The following DCT variants were observed in gnomAD, a reference collection of about 807,000 sequenced individuals.
DCT encodes the protein dopachrome tautomerase.
In DCT, 47 loss-of-function variants were observed where a neutral mutation model predicts 53.0. The ratio of observed to expected loss-of-function variants is 0.89; its 90% CI spans 0.70 to 1.13. DCT has a LOEUF of 1.13. Ranked by LOEUF, DCT falls within the 50% of genes most tolerant of loss-of-function variation. The pLI is 0.00. For synonymous variants in DCT, 244 were observed against 237.0 expected (o/e 1.03, Z -0.27); for missense variants, 669 against 637.4 (o/e 1.05, Z -0.53).
chr13:94,537,913 C>A, the DCT span, among the ~76,000 whole-genome samples: 1 of 152,142 alleles, frequency 6.6e-6, no homozygotes, highest in African/African-American at 2.4e-5. Flanking sequence ...GGTGACCCAC[C>A]ATTGGCAGGA....
At chr13:94,466,374 C>CCA (rs1217643518) in intron 3 of DCT, among the ~76,000 whole-genome samples, 184 bp downstream of exon 3, 1 of 151,610 alleles carries the variant, frequency 6.6e-6, no homozygotes, top group Non-Finnish European at 1.5e-5. Flanking sequence ...GGTACTCTTA[C>CCA]CACACACACA....
At position 94,444,812 on chromosome 13, in the gene DCT, A is replaced by G. The variant is rs1028105024; in HGVS notation, c.1180-1175T>C. On this transcript the variant is annotated intron_variant, in intron 6 of 7. Coordinates refer to ENST00000377028, the MANE Select transcript of DCT (RefSeq NM_001922.5). ...CCACTGTACCTTGTACCTCATTTATAGCACTGATCAAATGATACTATAACT... is the reference window on the plus strand; with the variant it reads ...CCACTGTACCTTGTACCTCATTTATGGCACTGATCAAATGATACTATAACT... Among the ~76,000 whole-genome samples the G allele has an allele frequency of 1.6e-4, 24 of 152,352 alleles. No individual in the cohort carries two copies. In the East Asian group the frequency reaches 4.0e-3, roughly 26 times the overall value.
the DCT span, among the ~76,000 whole-genome samples, chr13:94,500,086 G>A: frequency 2.6e-5 from 4 of 151,846 alleles, no homozygotes; most frequent in African/African-American, 4.8e-5. Context: ...TATAGTCACC[G>A]GGCTATACAC....
At chr13:94,443,137 A>T (rs9524491) in intron 7 of DCT, among the ~76,000 whole-genome samples, 121,974 of 152,174 alleles carry the variant, frequency 0.8, 50,341 homozygotes, top group African/African-American at 0.93. Context: ...TTAATCCAAT[A>T]AACTCAGAGA....
At chr13:94,536,754 C>T in the DCT span, among the ~76,000 whole-genome samples, 1 of 152,084 alleles carries the variant, frequency 6.6e-6, no homozygotes, top group Non-Finnish European at 1.5e-5. Flanking sequence ...ACCAGCCTGG[C>T]CAACATGGTG....
chr13:94,443,754 A>G (rs1882522871), intron 6 of DCT, 117 bp from the exon 7 acceptor site: 3 of 799,724 alleles, frequency 3.8e-6, no homozygotes, highest in Admixed American at 4.4e-5. Flanking sequence ...ACTTCTGTAT[A>G]CCCATGTGTG....
rs750729034 is a variant in DCT, at chr13:94,443,546, A to G, written c.1271T>C (p.Ile424Thr). The G allele has an allele frequency of 5.0e-6, 8 of 1,613,884 alleles. No homozygotes were observed. The Admixed American group carries it at 6.7e-5, about 13-fold the overall frequency. ...ADAWPQELAP[I>T]GHNRMYNMVP... ...CATGTTGTACATCCGATTGTGACCAATAGGGGCCAGCTCCTGAGGCCAGGC... is the reference window on the plus strand; with the variant it reads ...CATGTTGTACATCCGATTGTGACCAGTAGGGGCCAGCTCCTGAGGCCAGGC... Residue 424 changes from isoleucine (I) to threonine (T), a missense_variant, in exon 7 of 8, where the codon ATT becomes ACT. Ile to Thr is a moderately conservative substitution (Grantham distance 89). Coordinates refer to ENST00000377028, the MANE Select transcript of DCT (RefSeq NM_001922.5).
chr13:94,501,018 G>T, the DCT span, among the ~76,000 whole-genome samples: 1 of 151,958 alleles, frequency 6.6e-6, no homozygotes, highest in Non-Finnish European at 1.5e-5. Flanking sequence ...AAAGAATTTG[G>T]CACTTTGGGA....
the DCT span, among the ~76,000 whole-genome samples, chr13:94,537,190 G>A: frequency 6.6e-6 from 1 of 152,292 alleles, no homozygotes; most frequent in South Asian, 2.1e-4. Context: ...GTATCTATTT[G>A]TGCCAGACTG....
intron 2 of DCT, chr13:94,467,654 T>A (rs1399955833): frequency 6.6e-6 from 1 of 152,212 alleles, no homozygotes; most frequent in African/African-American, 2.4e-5. Context: ...GTCCCTGATG[T>A]TGGCTACACG....
upstream of DCT, among the ~76,000 whole-genome samples, chr13:94,481,805 A>T (rs1434407151): frequency 1.3e-5 from 2 of 152,114 alleles, no homozygotes; most frequent in African/African-American, 4.8e-5. Flanking sequence ...CTCCTCCCAA[A>T]TGTGTTCTCC....
chr13:94,541,241 C>A, the DCT span, among the ~76,000 whole-genome samples: 1 of 152,096 alleles, frequency 6.6e-6, no homozygotes, highest in African/African-American at 2.4e-5. Context: ...CAGTGGCTCA[C>A]GCCTGTAATT....
At chr13:94,452,240 C>T (rs1883143877) in intron 6 of DCT, among the ~76,000 whole-genome samples, 1 of 152,124 alleles carries the variant, frequency 6.6e-6, no homozygotes, top group South Asian at 2.1e-4. Flanking sequence ...ACCATGTTGG[C>T]CAGGCTGGTC....
the DCT span, among the ~76,000 whole-genome samples, chr13:94,512,702 G>A: frequency 6.9e-6 from 1 of 144,816 alleles, no homozygotes; most frequent in Non-Finnish European, 1.5e-5. Context: ...ACATGCCAAT[G>A]GTTTCATATA....
At chr13:94,526,838 C>G in the DCT span, among the ~76,000 whole-genome samples, 3 of 152,090 alleles carry the variant, frequency 2.0e-5, no homozygotes, top group Non-Finnish European at 2.9e-5. Flanking sequence ...CCAGGAAACA[C>G]CAGGGGTCTA....
At chr13:94,488,216 CCTT>C in the DCT span, among the ~76,000 whole-genome samples, 1 of 152,062 alleles carries the variant, frequency 6.6e-6, no homozygotes, top group Non-Finnish European at 1.5e-5. Flanking sequence ...TAGAGCTACT[CCTT>C]CTTCAAAATA....
intron 7 of DCT, among the ~76,000 whole-genome samples, chr13:94,442,108 C>T (rs1354774976): frequency 1.3e-5 from 2 of 152,026 alleles, no homozygotes; most frequent in African/African-American, 2.4e-5. Flanking sequence ...TACCTAGGCT[C>T]TTTCATAAAT....
chr13:94,440,069 A>T lies in DCT; in HGVS notation c.1389T>A (p.Val463=). 6.2e-7 allele frequency: 1 copy of T among 1,613,080 alleles called. No individual in the cohort carries two copies. The highest frequency in any genetic ancestry group is 8.5e-7 in the Non-Finnish European group (1 of 1,179,342). The change falls in exon 8 of 8, where the codon GTT becomes GTA. Residue 463 remains valine, a synonymous_variant. Coordinates refer to ENST00000377028, the MANE Select transcript of DCT (RefSeq NM_001922.5). ...TTGTGGGCCAACCTGGAGTTTCTTCAACTGAAACTAAAGCAGAAGAGAAGG... is the reference window on the plus strand; with the variant it reads ...TTGTGGGCCAACCTGGAGTTTCTTCTACTGAAACTAAAGCAGAAGAGAAGG... ...YSYAIDLPVS[V]EETPGWPTTL... is the part of the protein sequence containing the mutation.
chr13:94,537,286 T>C, the DCT span, among the ~76,000 whole-genome samples: 12 of 152,250 alleles, frequency 7.9e-5, no homozygotes, highest in African/African-American at 2.9e-4. Context: ...CTCATTTCTC[T>C]AGAAAGTTCT....
Sources: allele counts gnomAD v4.1 joint callset (sites outside exome capture counted in the v4.1 genomes callset), GRCh38; gene constraint gnomAD v4.1.1; transcripts MANE v1.5; gene names NCBI Gene and HGNC (gene_info 2026-07-23, HGNC 2026-07-21).